Variants in ATP7B observed in about 807,000 individuals in gnomAD.
ATP7B encodes copper-transporting ATPase 2.
ATP7B carries 113 observed loss-of-function variants against 118.9 expected under a neutral mutation model. The observed-to-expected ratio is 0.95, with a 90% CI of 0.82 to 1.11. The LOEUF (loss-of-function observed/expected upper bound fraction) is 1.11, where lower values mean the gene tolerates loss of function less well. Ranked by LOEUF, ATP7B falls within the 50% of genes most tolerant of loss-of-function variation. ATP7B has a pLI of 0.00. For missense variants in ATP7B, 1,867 were observed against 1,871.4 expected (o/e 1.00, Z 0.04); for synonymous variants, 777 against 727.4 (o/e 1.07, Z -1.10).
intron 12 of ATP7B, 156 bp from the exon 13 acceptor site, chr13:51,946,634 G>T: frequency 1.2e-6 from 1 of 817,618 alleles, no homozygotes; most frequent in Non-Finnish European, 2.0e-6. Flanking sequence ...TGCCATCATA[G>T]AGAACACGTT....
rs192467617 is a variant in ATP7B, at chr13:52,010,853, G to A, written c.51+434C>T. Among the ~76,000 whole-genome samples, 325 of 152,314 alleles carry A rather than the reference G, an allele frequency of 2.1e-3. 2 individuals carry two copies. The highest frequency in any genetic ancestry group is 7.2e-3 in the African/African-American group (300 of 41,572). On this transcript the variant is annotated intron_variant, in intron 1 of 20. Transcript: ENST00000242839. ...TTCTGTGCTGTTTCCATTTTTAAAA[G>A]ACTGTCTTAATGTATTACTTGTACA...
chr13:51,942,607 T>A (rs1957404621), intron 14 of ATP7B, 53 bp from the exon 15 acceptor site: 4 of 1,606,278 alleles, frequency 2.5e-6, no homozygotes, highest in Admixed American at 1.7e-5. Flanking sequence ...AGGGGTGAAG[T>A]GAAAGGGAGG....
In ATP7B at chr13:51,974,775, C is replaced by T. The variant is rs200606656; in HGVS notation, c.445G>A (p.Val149Met). 267 of 1,614,042 alleles carry T rather than the reference C, an allele frequency of 1.7e-4. No individual in the cohort carries two copies. The highest frequency in any genetic ancestry group is 3.3e-4 in the Middle Eastern group (2 of 6,084). Residue 149 changes from valine to methionine, a missense_variant, in exon 2 of 21, where the codon GTG becomes ATG. Val to Met is a conservative substitution (Grantham distance 21, BLOSUM62 1). Coordinates refer to ENST00000242839, the MANE Select transcript of ATP7B (RefSeq NM_000053.4). ...PAQEAVVKLR[V>M]EGMTCQSCVS... ...CAGGACTGGCAGGTCATGCCCTCCA[C>T]CCGGAGCTTGACCACAGCCTCCTGG... is the stretch of plus-strand genomic sequence containing the variant.
At chr13:51,994,048 C>T (rs1337349012) in intron 1 of ATP7B, among the ~76,000 whole-genome samples, 1 of 152,178 alleles carries the variant, frequency 6.6e-6, no homozygotes, top group Admixed American at 6.5e-5. Flanking sequence ...ACAGTTTGGA[C>T]ATTTTTTAAA....
intron 13 of ATP7B, among the ~76,000 whole-genome samples, chr13:51,944,563 T>C (rs957165436): frequency 8.5e-5 from 13 of 152,146 alleles, no homozygotes; most frequent in African/African-American, 2.9e-4. Context: ...GTACAGGAGA[T>C]GGCACAGCAC....
rs1954030148 is a variant in ATP7B at position 52,011,409 on chromosome 13, G to C, written c.-72C>G. 1 of 1,607,228 alleles carries C rather than the reference G, an allele frequency of 6.2e-7. No individual in the cohort carries two copies. On this transcript the variant is annotated 5_prime_UTR_variant, in exon 1 of 21. Coordinates refer to ENST00000242839, the MANE Select transcript of ATP7B (RefSeq NM_000053.4). ...AAGGTCACCTGGTCGGTGGAGGAGA[G>C]CGGGGTGTTAAAGTCCCGGGAGAGG...
chr13:51,975,443 G>A (rs1593794001), intron 1 of ATP7B: 3 of 609,436 alleles, frequency 4.9e-6, no homozygotes, highest in Non-Finnish European at 9.4e-6. Flanking sequence ...AGGGAAAGAA[G>A]GAAAGCACGA....
At chr13:51,969,917 G>C (rs770865874) in intron 3 of ATP7B, among the ~76,000 whole-genome samples, 39 of 152,196 alleles carry the variant, frequency 2.6e-4, no homozygotes, top group Non-Finnish European at 5.1e-4. Context: ...AAAAGAGAAA[G>C]TGATTCTGGT....
At chr13:51,964,356 C>A (rs115163364) in intron 5 of ATP7B, among the ~76,000 whole-genome samples, 2,150 of 152,286 alleles carry the variant, frequency 0.014, 35 homozygotes, top group South Asian at 0.052. Context: ...AAGGAAATAG[C>A]ATGTCTGTGG....
intron 1 of ATP7B, among the ~76,000 whole-genome samples, chr13:52,000,884 G>A (rs1953462495): frequency 6.6e-6 from 1 of 152,188 alleles, no homozygotes; most frequent in African/African-American, 2.4e-5. Context: ...GCTGGGCATG[G>A]TGGTGCACAC....
intron 19 of ATP7B, 144 bp from the exon 20 acceptor site, chr13:51,935,839 G>A: frequency 1.5e-6 from 1 of 683,576 alleles, no homozygotes; most frequent in East Asian, 2.7e-5. Context: ...AATGGATCTT[G>A]CCCACAGGCC....
intron 17 of ATP7B, among the ~76,000 whole-genome samples, chr13:51,938,841 C>T (rs1406901556): frequency 1.3e-5 from 2 of 152,196 alleles, no homozygotes; most frequent in East Asian, 1.9e-4. Flanking sequence ...AGGATGCATG[C>T]GCCCAAGCTC....
At chr13:52,011,214 C>A (rs970980995) in intron 1 of ATP7B, 73 bp downstream of exon 1, 1 of 1,611,360 alleles carries the variant, frequency 6.2e-7, no homozygotes, top group East Asian at 2.2e-5. Flanking sequence ...GGCGAGTAAG[C>A]GCCGAACGCG....
chr13:51,976,136 T>C lies in ATP7B; in HGVS notation c.52-968A>G, dbSNP rs145734729. On this transcript the variant is annotated intron_variant, in intron 1 of 20. Coordinates refer to ENST00000242839, the MANE Select transcript of ATP7B (RefSeq NM_000053.4). ...CCAGCCTACAGCTGTCTTAACTAGATATACTTTTTACACCAGAACTTCCAT... is the reference window on the plus strand; with the variant it reads ...CCAGCCTACAGCTGTCTTAACTAGACATACTTTTTACACCAGAACTTCCAT... 3.5e-3 allele frequency among the ~76,000 whole-genome samples: 526 copies of C among 152,388 alleles called. 3 individuals are homozygous for C. Among genetic ancestry groups the C allele is most frequent in the African/African-American group, 0.011 (476 of 41,594 alleles).
intron 1 of ATP7B, among the ~76,000 whole-genome samples, chr13:51,980,539 C>CA (rs1358796929): frequency 2.0e-5 from 3 of 152,086 alleles, no homozygotes; most frequent in Non-Finnish European, 4.4e-5. Context: ...GAAAGGAAAA[C>CA]AAAATCTCTG....
intron 1 of ATP7B, among the ~76,000 whole-genome samples, chr13:52,000,176 A>G (rs750204201): frequency 2.6e-5 from 4 of 152,154 alleles, no homozygotes; most frequent in Non-Finnish European, 5.9e-5. Context: ...TGCTATCACA[A>G]AATACCTTAG....
At chr13:51,993,021 A>T (rs965363501) in intron 1 of ATP7B, among the ~76,000 whole-genome samples, 1 of 150,350 alleles carries the variant, frequency 6.7e-6, no homozygotes, top group African/African-American at 2.4e-5. Flanking sequence ...AGATTTACAT[A>T]TATATTGACA....
chr13:51,992,900 C>T (rs1242108601), intron 1 of ATP7B, among the ~76,000 whole-genome samples: 2 of 147,062 alleles, frequency 1.4e-5, no homozygotes, highest in Non-Finnish European at 3.0e-5. Flanking sequence ...ATCACTTGAA[C>T]CCAGGAGATG....
intron 5 of ATP7B, among the ~76,000 whole-genome samples, chr13:51,962,195 A>G (rs1476466215): frequency 6.6e-6 from 1 of 152,212 alleles, no homozygotes; most frequent in Non-Finnish European, 1.5e-5. Context: ...AATCCCAGAT[A>G]CCTAATGGTC....
Sources: gnomAD v4.1 joint callset for allele counts (sites outside exome capture counted in the v4.1 genomes callset) on GRCh38, gnomAD v4.1.1 for gene constraint, MANE v1.5 for transcripts, NCBI Gene and HGNC (gene_info 2026-07-23, HGNC 2026-07-21) for gene names.